Variants in LRBA observed in about 807,000 individuals in gnomAD.
LRBA encodes LPS responsive beige-like anchor protein.
LRBA carries 176 observed loss-of-function variants against 330.0 expected under a neutral mutation model. That is an observed-to-expected ratio of 0.53 (90% CI 0.47 to 0.60). The LOEUF (loss-of-function observed/expected upper bound fraction) is 0.60, where lower values mean the gene tolerates loss of function less well. LRBA is among the 20% of genes least tolerant of loss of function. The pLI is 0.00. For missense variants in LRBA, 3,259 were observed against 3,444.8 expected, an observed-to-expected ratio of 0.95 and a Z score of 1.35; for synonymous variants, 1,230 against 1,193.0, an observed-to-expected ratio of 1.03 and a Z score of -0.64.
chr4:150,303,724 C>T (rs1045933317), intron 52 of LRBA, among the ~76,000 whole-genome samples: 3 of 152,162 alleles, frequency 2.0e-5, no homozygotes, highest in African/African-American at 7.2e-5. Context: ...GCACCCACCA[C>T]CACCACGCCC....
At chr4:150,935,991 ATAAAG>A (rs538323718) in intron 2 of LRBA, among the ~76,000 whole-genome samples, 217 of 152,152 alleles carry the variant, frequency 1.4e-3, no homozygotes, top group African/African-American at 5.1e-3. Flanking sequence ...TGGTACAGAA[ATAAAG>A]TATTTTCAAT....
intron 46 of LRBA, among the ~76,000 whole-genome samples, chr4:150,424,615 G>A (rs79449173): frequency 0.15 from 22,712 of 152,022 alleles, 1,713 homozygotes; most frequent in Middle Eastern, 0.17. Context: ...GAGCACGTGC[G>A]CGCGTGCACA....
intron 2 of LRBA, among the ~76,000 whole-genome samples, chr4:150,994,064 CA>C (rs538401022): frequency 0.21 from 17,681 of 82,284 alleles, 1,534 homozygotes; most frequent in South Asian, 0.37. Context: ...GACTCTGTCT[CA>C]AAAAAAAAAA....
At chr4:150,677,527 A>G (rs1433841864) in intron 37 of LRBA, among the ~76,000 whole-genome samples, 1 of 152,186 alleles carries the variant, frequency 6.6e-6, no homozygotes, top group Non-Finnish European at 1.5e-5. Context: ...TGTCTTTGAA[A>G]TTATACAAAA....
intron 47 of LRBA, among the ~76,000 whole-genome samples, chr4:150,401,960 G>T (rs1271323165): frequency 6.6e-6 from 1 of 151,844 alleles, no homozygotes; most frequent in East Asian, 1.9e-4. Context: ...AAAAAAGAGG[G>T]AGGGAAAAAG....
At chr4:150,616,411 C>CAT in intron 37 of LRBA, among the ~76,000 whole-genome samples, 1 of 152,148 alleles carries the variant, frequency 6.6e-6, no homozygotes. Flanking sequence ...TTACTCATCT[C>CAT]ATATTGGCAG....
chr4:150,441,131 A>AT (rs996304047), intron 44 of LRBA, among the ~76,000 whole-genome samples: 4 of 151,952 alleles, frequency 2.6e-5, no homozygotes, highest in South Asian at 2.1e-4. Context: ...AATAATTATT[A>AT]TTTTTTTCAG....
chr4:150,828,377 T>TC lies in LRBA; in HGVS notation c.4973dup (p.Gly1659ArgfsTer3). On this transcript the variant is annotated frameshift_variant, in exon 30 of 57. Coordinates refer to ENST00000651943, the MANE Select transcript of LRBA (RefSeq NM_001364905.1). LOFTEE classifies it high-confidence loss of function. ...TAGCCTTAGTGTCCAAGTCATTTCC[T>TC]CTATCATTTTTGGTTTCCGGAGACT... The TC allele has an allele frequency of 6.2e-7, 1 of 1,614,110 alleles. No homozygotes were observed. The highest frequency in any genetic ancestry group is 8.5e-7 in the Non-Finnish European group (1 of 1,180,000).
chr4:150,824,887 G>A (rs1273827576), intron 30 of LRBA, among the ~76,000 whole-genome samples: 5 of 151,982 alleles, frequency 3.3e-5, no homozygotes, highest in Admixed American at 2.0e-4. Context: ...TGATCCTCCC[G>A]CCTCAGCCTC....
intron 53 of LRBA, among the ~76,000 whole-genome samples, chr4:150,299,161 GA>G (rs202213523): frequency 0.011 from 1,644 of 152,092 alleles, 26 homozygotes; most frequent in African/African-American, 0.038. Flanking sequence ...GCACTTTGGT[GA>G]CAAGGCTCAG....
At chr4:150,487,297 A>G (rs1757997509) in intron 42 of LRBA, among the ~76,000 whole-genome samples, 1 of 150,764 alleles carries the variant, frequency 6.6e-6, no homozygotes, top group African/African-American at 2.4e-5. Flanking sequence ...AAGAATAGTA[A>G]TTATATCGAT....
intron 40 of LRBA, among the ~76,000 whole-genome samples, chr4:150,495,627 G>A (rs1049939157): frequency 6.6e-6 from 1 of 152,150 alleles, no homozygotes; most frequent in African/African-American, 2.4e-5. Flanking sequence ...AAGCAGCTGA[G>A]GCCTAGCTAA....
intron 30 of LRBA, among the ~76,000 whole-genome samples, chr4:150,825,745 T>C (rs1746165590): frequency 6.6e-6 from 1 of 152,162 alleles, no homozygotes; most frequent in Admixed American, 6.5e-5. Context: ...TTTGATAACA[T>C]AATGGGACCC....
At chr4:150,347,335 T>C (rs2127041758) in intron 48 of LRBA, among the ~76,000 whole-genome samples, 1 of 152,262 alleles carries the variant, frequency 6.6e-6, no homozygotes, top group East Asian at 1.9e-4. Flanking sequence ...TTGATGCCAC[T>C]GAACTGTAAA....
intron 5 of LRBA, among the ~76,000 whole-genome samples, chr4:150,917,948 G>A (rs1732823221): frequency 6.6e-6 from 1 of 151,674 alleles, no homozygotes; most frequent in Non-Finnish European, 1.5e-5. Context: ...AAATGAAGAA[G>A]AACAAAGTTA....
At chr4:150,424,273 A>G (rs1445780703) in intron 46 of LRBA, among the ~76,000 whole-genome samples, 1 of 152,214 alleles carries the variant, frequency 6.6e-6, no homozygotes, top group Non-Finnish European at 1.5e-5. Context: ...GGTCTTGAAA[A>G]TTGCAACTTT....
intron 2 of LRBA, among the ~76,000 whole-genome samples, chr4:150,937,142 T>C (rs1735159497): frequency 2.0e-5 from 3 of 152,120 alleles, no homozygotes; most frequent in Non-Finnish European, 4.4e-5. Flanking sequence ...TTAAATACTA[T>C]AAAATATGCC....
intron 36 of LRBA, among the ~76,000 whole-genome samples, chr4:150,726,136 T>C (rs770867157): frequency 3.9e-5 from 6 of 152,102 alleles, no homozygotes; most frequent in Admixed American, 1.3e-4. Flanking sequence ...CAGTAGTAAG[T>C]CTCTACTTAT....
chr4:150,350,406 C>A (rs1033620581), intron 47 of LRBA, among the ~76,000 whole-genome samples: 2 of 152,032 alleles, frequency 1.3e-5, no homozygotes, highest in African/African-American at 4.8e-5. Flanking sequence ...CCGGTCTCTA[C>A]TAAAAATACA....
Sources: allele counts gnomAD v4.1 joint callset (sites outside exome capture counted in the v4.1 genomes callset), GRCh38; gene constraint gnomAD v4.1.1; transcripts MANE v1.5; gene names NCBI Gene and HGNC (gene_info 2026-07-23, HGNC 2026-07-21).